STK39: variants seen among roughly 807,000 people sequenced by gnomAD.
STK39 encodes the protein STE20/SPS1-related proline-alanine-rich protein kinase.
Under a neutral mutation model 77.8 loss-of-function variants are expected in STK39, and 20 were observed. The observed-to-expected ratio is 0.26, with a 90% confidence interval of 0.18 to 0.37. The LOEUF is 0.37. Ranked by LOEUF, STK39 falls within the 10% of genes least tolerant of loss-of-function variation. STK39 has a pLI of 1.00. For missense variants in STK39, 479 were observed against 656.5 expected (o/e 0.73, Z 2.95); for synonymous variants, 246 against 234.1 (o/e 1.05, Z -0.47).
At chr2:168,228,024 A>C (rs961599642) in intron 1 of STK39, among the ~76,000 whole-genome samples, 2 of 152,342 alleles carry the variant, frequency 1.3e-5, no homozygotes, top group Admixed American at 6.5e-5. Flanking sequence ...AGTATCTAGA[A>C]GACAAAAGGC....
chr2:167,981,497 T>A (rs1333284667), intron 16 of STK39, among the ~76,000 whole-genome samples: 2 of 152,210 alleles, frequency 1.3e-5, no homozygotes, highest in East Asian at 3.9e-4. Context: ...TAAAGGGAAC[T>A]TTTTGCAGAA....
At chr2:167,994,476 G>A (rs1402644494) in intron 16 of STK39, among the ~76,000 whole-genome samples, 2 of 152,134 alleles carry the variant, frequency 1.3e-5, no homozygotes, top group Non-Finnish European at 2.9e-5. Flanking sequence ...ACTCTTTTAA[G>A]TGAACAATTT....
At chr2:168,244,432 G>A (rs530751088) in intron 1 of STK39, among the ~76,000 whole-genome samples, 1 of 152,138 alleles carries the variant, frequency 6.6e-6, no homozygotes, top group Non-Finnish European at 1.5e-5. Flanking sequence ...TTCTGTTCAG[G>A]CACATCTGAG....
At chr2:168,188,966 C>A (rs1689273804) in intron 1 of STK39, among the ~76,000 whole-genome samples, 1 of 152,196 alleles carries the variant, frequency 6.6e-6, no homozygotes, top group African/African-American at 2.4e-5. Context: ...AAACTGGTGA[C>A]CCTCCTAAGT....
At chr2:168,170,745 T>C (rs545191966) in intron 2 of STK39, among the ~76,000 whole-genome samples, 1 of 152,032 alleles carries the variant, frequency 6.6e-6, no homozygotes, top group South Asian at 2.1e-4. Flanking sequence ...TGCCCAGTAG[T>C]GGGTCTGGCC....
At chr2:168,064,254 C>T (rs1302472729) in intron 13 of STK39, among the ~76,000 whole-genome samples, 1 of 152,182 alleles carries the variant, frequency 6.6e-6, no homozygotes, top group African/African-American at 2.4e-5. Flanking sequence ...ATAAAATGCT[C>T]TACAGTACTA....
intron 10 of STK39, among the ~76,000 whole-genome samples, chr2:168,104,252 A>G (rs1418554333): frequency 1.3e-5 from 2 of 152,070 alleles, no homozygotes; most frequent in East Asian, 3.9e-4. Flanking sequence ...TTACCAGTTG[A>G]TTTTTTCTCA....
intron 14 of STK39, among the ~76,000 whole-genome samples, chr2:168,036,744 G>A (rs1410837430): frequency 6.6e-6 from 1 of 152,166 alleles, no homozygotes; most frequent in Non-Finnish European, 1.5e-5. Flanking sequence ...CGTAGCAACA[G>A]GATTCCTAGA....
intron 1 of STK39, among the ~76,000 whole-genome samples, chr2:168,208,165 T>C (rs1426645421): frequency 6.6e-6 from 1 of 152,192 alleles, no homozygotes; most frequent in East Asian, 1.9e-4. Flanking sequence ...TTAATATGTA[T>C]AAGAAGATAT....
intron 5 of STK39, among the ~76,000 whole-genome samples, chr2:168,154,400 G>C (rs1398184155): frequency 6.6e-6 from 1 of 152,196 alleles, no homozygotes; most frequent in Non-Finnish European, 1.5e-5. Flanking sequence ...TGGGGGCCTA[G>C]ACTGGCTACT....
chr2:167,995,575 C>T (rs1323958320), intron 16 of STK39, among the ~76,000 whole-genome samples: 1 of 151,968 alleles, frequency 6.6e-6, no homozygotes. Context: ...GAGCACTGCC[C>T]ATCAGAAGGA....
In STK39 at chr2:167,954,190, A is replaced by G. The variant is rs202113810; in HGVS notation, c.*1306T>C. The G allele has an allele frequency of 7.9e-5, 12 of 152,606 alleles. No homozygotes were observed. The highest frequency in any genetic ancestry group is 1.6e-4 in the Non-Finnish European group (11 of 68,024). The allele number at this position is 152,606 out of a possible 1,614,324, so 9.5% of individuals were successfully genotyped here. A position where few individuals can be genotyped will look rare whatever the true frequency, so the allele number is the denominator to read the frequency against. ...TATAAATAACTTTTTTTCCTTAGTA[A>G]TATATATTTGCTTTTTGAAGTACAT... On this transcript the variant is annotated 3_prime_UTR_variant, in exon 18 of 18. Coordinates refer to ENST00000355999, the MANE Select transcript of STK39 (RefSeq NM_013233.3).
At chr2:168,231,310 TAA>T (rs930347486) in intron 1 of STK39, among the ~76,000 whole-genome samples, 2 of 152,098 alleles carry the variant, frequency 1.3e-5, no homozygotes, top group Non-Finnish European at 2.9e-5. Flanking sequence ...CAGAAATGGC[TAA>T]GTTTTTTGCT....
chr2:168,237,697 A>C (rs895114700), intron 1 of STK39, among the ~76,000 whole-genome samples: 11 of 152,160 alleles, frequency 7.2e-5, no homozygotes, highest in Non-Finnish European at 1.3e-4. Context: ...ACCATAGGCA[A>C]GTTTCTTCAA....
chr2:167,955,330 T>A lies in STK39; in HGVS notation c.*166A>T, dbSNP rs199683208. ...CGGAGTGTTGTAAGTTTTAAAAAAT[T>A]ATTTTTTTATCCCATTTTGTTGAAG... is the stretch of plus-strand genomic sequence containing the variant. On this transcript the variant is annotated 3_prime_UTR_variant, in exon 18 of 18. Transcript: ENST00000355999. The A allele has an allele frequency of 1.6e-6, 1 of 612,342 alleles. No individual in the cohort carries two copies. Among genetic ancestry groups the A allele is most frequent in the Non-Finnish European group, 2.8e-6 (1 of 354,320 alleles). 37.9% of individuals were successfully genotyped at this position (612,342 alleles called of 1,614,324 possible). A position where few individuals can be genotyped will look rare whatever the true frequency, so the allele number is the denominator to read the frequency against.
At chr2:168,151,610 G>A (rs3820874) in intron 5 of STK39, among the ~76,000 whole-genome samples, 63,180 of 151,292 alleles carry the variant, frequency 0.42, 14,843 homozygotes, top group East Asian at 0.67. Flanking sequence ...GTGGTGGCAC[G>A]TGCCTATAGT....
chr2:168,181,875 T>C, intron 2 of STK39, 103 bp downstream of exon 2: 1 of 916,392 alleles, frequency 1.1e-6, no homozygotes, highest in Non-Finnish European at 1.7e-6. Flanking sequence ...AAGAAATGCA[T>C]ATGTCAAAAC....
rs1195382943 is a variant in STK39, at chr2:168,094,699, C to A, written c.1090-19468G>T. On this transcript the variant is annotated intron_variant, in intron 10 of 17. Transcript: ENST00000355999. ...CTGCATCCTCCACTTGTTCCTGTGACTGTTCCCCCAGGACTCCCCAGGGCT... is the reference window on the plus strand; with the variant it reads ...CTGCATCCTCCACTTGTTCCTGTGAATGTTCCCCCAGGACTCCCCAGGGCT... 2.0e-5 allele frequency among the ~76,000 whole-genome samples: 3 copies of A among 152,146 alleles called. No individual in the cohort carries two copies. The East Asian group carries it at 5.8e-4, about 29-fold the overall frequency.
chr2:168,014,832 C>T (rs1437734261), intron 15 of STK39, among the ~76,000 whole-genome samples: 1 of 152,178 alleles, frequency 6.6e-6, no homozygotes, highest in East Asian at 1.9e-4. Flanking sequence ...GCTATAATCA[C>T]AGAATGTAGC....
Sources: gnomAD v4.1 joint callset for allele counts (sites outside exome capture counted in the v4.1 genomes callset) on GRCh38, gnomAD v4.1.1 for gene constraint, MANE v1.5 for transcripts, NCBI Gene and HGNC (gene_info 2026-07-23, HGNC 2026-07-21) for gene names.